ENTPD1: variants seen among roughly 807,000 people sequenced by gnomAD.
The protein encoded by ENTPD1 is ectonucleoside triphosphate diphosphohydrolase 1, also known as ATP diphosphohydrolase.
ENTPD1 carries 33 observed loss-of-function variants against 57.0 expected under a neutral mutation model. The ratio of observed to expected loss-of-function variants is 0.58; its 90% CI spans 0.44 to 0.77. ENTPD1 has a LOEUF of 0.77. Ranked by LOEUF, ENTPD1 falls within the 30% of genes least tolerant of loss-of-function variation. ENTPD1 has a pLI of 0.00. For synonymous variants in ENTPD1, 202 were observed against 218.8 expected (o/e 0.92, Z 0.68); for missense variants, 501 against 603.4 (o/e 0.83, Z 1.78).
intron 1 of ENTPD1, among the ~76,000 whole-genome samples, chr10:95,731,045 G>C (rs1214221191): frequency 1.3e-5 from 2 of 152,134 alleles, no homozygotes; most frequent in African/African-American, 2.4e-5. Flanking sequence ...TCAACTGTTT[G>C]GTCTCTCAGG....
At chr10:95,801,058 G>T (rs1383565271) in intron 1 of ENTPD1, among the ~76,000 whole-genome samples, 1 of 152,120 alleles carries the variant, frequency 6.6e-6, no homozygotes, top group Non-Finnish European at 1.5e-5. Flanking sequence ...ACAGGCATAA[G>T]AAATTATAAA....
At chr10:95,860,413 C>T (rs1590195896) in intron 7 of ENTPD1, 56 bp from the exon 8 acceptor site, 7 of 1,433,038 alleles carry the variant, frequency 4.9e-6, no homozygotes, top group Non-Finnish European at 5.8e-6. Flanking sequence ...TTTAGGAGAG[C>T]AAGTTGGCAT....
intron 1 of ENTPD1, among the ~76,000 whole-genome samples, chr10:95,758,919 A>T (rs998807045): frequency 1.3e-5 from 2 of 152,180 alleles, no homozygotes; most frequent in African/African-American, 4.8e-5. Flanking sequence ...AGGTCCTCTG[A>T]CGTACTTATT....
chr10:95,710,687 C>T (rs2097964811), upstream of ENTPD1, among the ~76,000 whole-genome samples: 1 of 152,114 alleles, frequency 6.6e-6, no homozygotes, highest in African/African-American at 2.4e-5. Context: ...GTATTAATAA[C>T]AAGGGAAGAG....
At chr10:95,837,409 C>T (rs1375673138) in intron 2 of ENTPD1, among the ~76,000 whole-genome samples, 10 of 152,202 alleles carry the variant, frequency 6.6e-5, no homozygotes, top group Non-Finnish European at 1.3e-4. Flanking sequence ...TGGCCCCAGA[C>T]CTTAGTCAGT....
At chr10:95,756,796 G>A (rs1490995222) in intron 1 of ENTPD1, 1 of 150,684 alleles carries the variant, frequency 6.6e-6, no homozygotes, top group Admixed American at 6.6e-5. Flanking sequence ...TCAAAATGCT[G>A]AAAGTTTCTT....
chr10:95,708,376 G>T (rs891714363), upstream of ENTPD1, among the ~76,000 whole-genome samples: 1 of 152,036 alleles, frequency 6.6e-6, no homozygotes, highest in African/African-American at 2.4e-5. Flanking sequence ...ATCACGCCCA[G>T]CTAATTTTTG....
rs1391841088 is a variant in ENTPD1, at chr10:95,872,751, C to T, written c.*6368C>T. The T allele has an allele frequency of 7.1e-6, 7 of 985,438 alleles. No individual in the cohort carries two copies. Among genetic ancestry groups the T allele is most frequent in the Non-Finnish European group, 8.4e-6 (7 of 829,932 alleles). The allele number at this position is 985,438 out of a possible 1,614,324, so 61.0% of individuals were successfully genotyped here. On this transcript the variant is annotated 3_prime_UTR_variant, in exon 10 of 10. Transcript: ENST00000371205. ...CGACTACAAACCCTTCTGTTGCTGG[C>T]GAGCTGGTCCGCACCACTAGTTCTG...
At chr10:95,710,124 G>T (rs564602963), upstream of ENTPD1, among the ~76,000 whole-genome samples, 4 of 151,820 alleles carry the variant, frequency 2.6e-5, no homozygotes, top group Non-Finnish European at 5.9e-5. Flanking sequence ...ACCATGATAG[G>T]CCAGGCACGG....
At chr10:95,782,783 G>T (rs1302070504) in intron 1 of ENTPD1, among the ~76,000 whole-genome samples, 1 of 151,974 alleles carries the variant, frequency 6.6e-6, no homozygotes, top group African/African-American at 2.4e-5. Flanking sequence ...ATCTATTTTT[G>T]AATTGATTCT....
At chr10:95,716,152 C>T (rs564952602) in intron 1 of ENTPD1, among the ~76,000 whole-genome samples, 6 of 152,298 alleles carry the variant, frequency 3.9e-5, no homozygotes, top group South Asian at 4.1e-4. Context: ...AGGTATGAAC[C>T]GCTGTGCCCA....
chr10:95,726,056 T>C (rs1373463286), intron 1 of ENTPD1, among the ~76,000 whole-genome samples: 1 of 152,210 alleles, frequency 6.6e-6, no homozygotes, highest in Non-Finnish European at 1.5e-5. Context: ...AGGGGAGTCA[T>C]CCCTGGCAAG....
rs1179982340 is a variant in ENTPD1 at position 95,872,018 on chromosome 10, CT to C, written c.*5636del. The C allele has an allele frequency of 1.0e-6, 1 of 985,332 alleles. No homozygotes were observed. Among genetic ancestry groups the C allele is most frequent in the African/African-American group, 1.7e-5 (1 of 57,238 alleles). The allele number at this position is 985,332 out of a possible 1,614,324, so 61.0% of individuals were successfully genotyped here. A position where few individuals can be genotyped will look rare whatever the true frequency, so the allele number is the denominator to read the frequency against. ...GTGTTTTACATGATTAATGCCACCC[CT>C]GCCTCAATGAACCAAGATCAGCTCC... On this transcript the variant is annotated 3_prime_UTR_variant, in exon 10 of 10. Coordinates refer to ENST00000371205, the MANE Select transcript of ENTPD1 (RefSeq NM_001776.6).
At position 95,874,114 on chromosome 10, in the gene ENTPD1, C is replaced by A. The variant is rs1386555576; in HGVS notation, c.*7731C>A. 6.6e-6 allele frequency among the ~76,000 whole-genome samples: 1 copy of A among 152,178 alleles called. No individual in the cohort carries two copies. The highest frequency in any genetic ancestry group is 1.5e-5 in the Non-Finnish European group (1 of 68,038). On this transcript the variant is annotated 3_prime_UTR_variant, in exon 10 of 10. Coordinates refer to ENST00000371205, the MANE Select transcript of ENTPD1 (RefSeq NM_001776.6). ...TTCAAAACCAATCATTCCTTCCCAA[C>A]AGTTCCCCAAAGTCTTAACTCATTT... is the stretch of plus-strand genomic sequence containing the variant.
At chr10:95,762,735 T>G (rs990671558) in intron 1 of ENTPD1, among the ~76,000 whole-genome samples, 2 of 152,218 alleles carry the variant, frequency 1.3e-5, no homozygotes, top group Non-Finnish European at 2.9e-5. Flanking sequence ...AGATTGAAAC[T>G]TGTTAATGTT....
intron 2 of ENTPD1, among the ~76,000 whole-genome samples, chr10:95,837,851 C>T (rs917876644): frequency 3.9e-5 from 6 of 152,048 alleles, no homozygotes; most frequent in African/African-American, 1.4e-4. Flanking sequence ...TTCACTGGGG[C>T]CCCTACATTG....
chr10:95,867,438 A>G lies in ENTPD1; in HGVS notation c.*1055A>G. ...TGGAAACCAACTGTACCATAAAGAT[A>G]GTTCACTGAGTTTTAAAGCCAAGCC... On this transcript the variant is annotated 3_prime_UTR_variant, in exon 10 of 10. Transcript: ENST00000371205. 2 of 985,418 alleles carry G rather than the reference A, an allele frequency of 2.0e-6. No individual in the cohort carries two copies. Among genetic ancestry groups the G allele is most frequent in the Non-Finnish European group, 2.4e-6 (2 of 829,926 alleles). 61.0% of individuals were successfully genotyped at this position (985,418 alleles called of 1,614,324 possible).
rs1168327835 is a variant in ENTPD1, at chr10:95,875,113, T to G, written c.*8730T>G. ...TTAGGCTCCTTGCTGCTTATGCAAA[T>G]TTCTGCAGCCAGCTTGAATTTCTCC... On this transcript the variant is annotated 3_prime_UTR_variant, in exon 10 of 10. Transcript: ENST00000371205. 1 of 152,252 alleles carries G rather than the reference T, an allele frequency of 6.6e-6. No individual in the cohort carries two copies. The highest frequency in any genetic ancestry group is 1.5e-5 in the Non-Finnish European group (1 of 68,048). 9.4% of individuals were successfully genotyped at this position (152,252 alleles called of 1,614,324 possible).
chr10:95,786,442 A>AG (rs2098180251), intron 1 of ENTPD1, among the ~76,000 whole-genome samples: 1 of 152,182 alleles, frequency 6.6e-6, no homozygotes, highest in Non-Finnish European at 1.5e-5. Context: ...CAGGTTCAGT[A>AG]GGGGAGGGAG....
Sources: allele counts gnomAD v4.1 joint callset (sites outside exome capture counted in the v4.1 genomes callset), GRCh38; gene constraint gnomAD v4.1.1; transcripts MANE v1.5; gene names NCBI Gene and HGNC (gene_info 2026-07-23, HGNC 2026-07-21).